FAM151B: variants seen among roughly 807,000 people sequenced by gnomAD.
FAM151B encodes the protein protein FAM151B.
Under a neutral mutation model 31.2 loss-of-function variants are expected in FAM151B, and 24 were observed. The observed-to-expected ratio is 0.77, with a 90% CI of 0.56 to 1.08. The LOEUF is 1.08. Among genes scored for constraint, FAM151B ranks in the 50% least tolerant of loss-of-function variants. FAM151B has a pLI of 0.00. For missense variants in FAM151B, 293 were observed against 328.6 expected, an observed-to-expected ratio of 0.89 and a Z score of 0.84; for synonymous variants, 105 against 111.4, an observed-to-expected ratio of 0.94 and a Z score of 0.36.
intron 5 of FAM151B, among the ~76,000 whole-genome samples, chr5:80,525,925 C>A (rs1025524172): frequency 1.3e-5 from 2 of 151,182 alleles, no homozygotes; most frequent in Non-Finnish European, 2.9e-5. Context: ...ATTTAGATGA[C>A]CTGTATATAC....
intron 5 of FAM151B, among the ~76,000 whole-genome samples, chr5:80,535,026 T>A (rs1442601064): frequency 2.0e-5 from 3 of 152,084 alleles, no homozygotes; most frequent in African/African-American, 7.2e-5. Context: ...TAAAATTAAC[T>A]ACCTAGGAAT....
chr5:80,530,858 A>C (rs1311970951), intron 5 of FAM151B, among the ~76,000 whole-genome samples: 8 of 152,206 alleles, frequency 5.3e-5, no homozygotes, highest in African/African-American at 1.2e-4. Context: ...GCTACCAATG[A>C]CTTTCTTCAC....
At chr5:80,538,544 C>T (rs561403974) in intron 5 of FAM151B, among the ~76,000 whole-genome samples, 5 of 134,406 alleles carry the variant, frequency 3.7e-5, no homozygotes, top group African/African-American at 1.2e-4. Flanking sequence ...TTCCTTCCTT[C>T]CTTCCTTCCT....
chr5:80,529,565 G>C (rs1448519114), intron 5 of FAM151B, among the ~76,000 whole-genome samples: 1 of 152,144 alleles, frequency 6.6e-6, no homozygotes, highest in East Asian at 1.9e-4. Context: ...TATCACCACT[G>C]ATCCCACAGA....
At chr5:80,512,874 CT>C (rs1261864399) in intron 2 of FAM151B, among the ~76,000 whole-genome samples, 1 of 150,044 alleles carries the variant, frequency 6.7e-6, no homozygotes, top group Non-Finnish European at 1.5e-5. Context: ...GGATTTTGAT[CT>C]TTTGGGATTG....
chr5:80,497,019 C>T (rs1409680192), intron 1 of FAM151B, among the ~76,000 whole-genome samples: 2 of 151,816 alleles, frequency 1.3e-5, no homozygotes, highest in African/African-American at 4.8e-5. Flanking sequence ...ACATATTGGC[C>T]AGGCTGGTCT....
intron 4 of FAM151B, 144 bp from the exon 5 acceptor site, chr5:80,521,859 T>C (rs373967210): frequency 1.9e-5 from 10 of 536,960 alleles, no homozygotes; most frequent in African/African-American, 1.7e-4. Flanking sequence ...AGCATTTTAA[T>C]TGACTTAGAA....
chr5:80,501,805 A>G lies in FAM151B; in HGVS notation c.39A>G (p.Glu13=). 2 of 1,602,606 alleles carry G rather than the reference A, an allele frequency of 1.2e-6. No individual in the cohort carries two copies. Among genetic ancestry groups the G allele is most frequent in the South Asian group, 1.1e-5 (1 of 89,400 alleles). Residue 13 remains glutamate, a synonymous_variant, in exon 2 of 6, where the codon GAA becomes GAG. Coordinates refer to ENST00000282226, the MANE Select transcript of FAM151B (RefSeq NM_205548.3). The part of the protein sequence containing the change: ...ASAGGPGSWS[E]NILEYFLRNS... ...CTGTTATTTTAGGATCTTGGAGTGA[A>G]AATATACTGGAATATTTTCTGAGAA...
chr5:80,534,350 A>T (rs1004612145), intron 5 of FAM151B, among the ~76,000 whole-genome samples: 1 of 152,150 alleles, frequency 6.6e-6, no homozygotes, highest in Non-Finnish European at 1.5e-5. Context: ...TGATGCAAAA[A>T]TCCTTGGCAA....
intron 1 of FAM151B, chr5:80,498,662 A>G: frequency 1.5e-6 from 1 of 672,454 alleles, no homozygotes; most frequent in South Asian, 1.4e-5. Flanking sequence ...TAATTTTGCC[A>G]TTCTCTTCCA....
intron 5 of FAM151B, among the ~76,000 whole-genome samples, chr5:80,527,090 C>T (rs1211738919): frequency 6.6e-6 from 1 of 152,146 alleles, no homozygotes; most frequent in African/African-American, 2.4e-5. Flanking sequence ...GAAGTACAGT[C>T]ATGTATCGCT....
chr5:80,541,610 A>G, intron 5 of FAM151B, 63 bp from the exon 6 acceptor site: 1 of 1,507,426 alleles, frequency 6.6e-7, no homozygotes, highest in Non-Finnish European at 9.1e-7. Context: ...TTTTAGGCTT[A>G]TTGGAATGAC....
intron 1 of FAM151B, among the ~76,000 whole-genome samples, chr5:80,498,280 GT>G (rs757277760): frequency 5.2e-4 from 79 of 152,218 alleles, no homozygotes; most frequent in Non-Finnish European, 9.1e-4. Flanking sequence ...CGTGTTTTCA[GT>G]GAGAGACTGC....
At position 80,539,946 on chromosome 5, in the gene FAM151B, AT is replaced by A. The variant is rs562639465; in HGVS notation, c.672-1726del. 7.9e-5 allele frequency among the ~76,000 whole-genome samples: 12 copies of A among 152,218 alleles called. No individual in the cohort carries two copies. The South Asian group carries it at 2.5e-3, about 32-fold the overall frequency. On this transcript the variant is annotated intron_variant, in intron 5 of 5. Transcript: ENST00000282226. ...TTGTCCATTATTTCTCTATACATAT[AT>A]AATTTTCTATTTATGTTTTTCTGCA...
intron 5 of FAM151B, among the ~76,000 whole-genome samples, chr5:80,538,372 T>TTTTC (rs1315996184): frequency 0.01 from 1,150 of 111,614 alleles, 106 homozygotes; most frequent in Middle Eastern, 0.015. Context: ...CAGCCTTTCT[T>TTTTC]TTTCTTTCTT....
chr5:80,518,367 G>C (rs540922482), intron 3 of FAM151B, among the ~76,000 whole-genome samples: 1 of 152,202 alleles, frequency 6.6e-6, no homozygotes, highest in African/African-American at 2.4e-5. Flanking sequence ...TGCTGCTATG[G>C]GACTGACAGA....
chr5:80,538,448 C>CTCTTTCTTTGTTTCTTTCTTTGTTTCTT (rs1745661737), intron 5 of FAM151B, among the ~76,000 whole-genome samples: 1 of 49,348 alleles, frequency 2.0e-5, no homozygotes, highest in Admixed American at 2.5e-4. Flanking sequence ...TTCTTTCTTT[C>CTCTTTCTTTGTTTCTTTCTTTGTTTCTT]TCTTTCTTTC....
intron 2 of FAM151B, among the ~76,000 whole-genome samples, chr5:80,513,287 G>A (rs1744265081): frequency 6.6e-6 from 1 of 152,192 alleles, no homozygotes; most frequent in Non-Finnish European, 1.5e-5. Context: ...GAAAGCTTCA[G>A]CAAATACTTA....
At position 80,538,416 on chromosome 5, in the gene FAM151B, CTT is replaced by C. The variant is rs1178405412; in HGVS notation, c.672-3255_672-3254del. On this transcript the variant is annotated intron_variant, in intron 5 of 5. Coordinates refer to ENST00000282226, the MANE Select transcript of FAM151B (RefSeq NM_205548.3). ...TCTTTCTTTCTTTCTTTCTTTCTTT[CTT>C]TCTTTCTTTCTTTCTTTCTTTCTTT... Among the ~76,000 whole-genome samples the C allele has an allele frequency of 3.4e-3, 181 of 53,984 alleles. 2 individuals carry two copies. The highest frequency in any genetic ancestry group is 0.017 in the African/African-American group (172 of 10,132). The allele number at this position is 53,984 out of a possible 152,430, so 35.4% of individuals were successfully genotyped here. A position where few individuals can be genotyped will look rare whatever the true frequency, so the allele number is the denominator to read the frequency against.
Sources: gnomAD v4.1 joint callset for allele counts (sites outside exome capture counted in the v4.1 genomes callset) on GRCh38, gnomAD v4.1.1 for gene constraint, MANE v1.5 for transcripts, NCBI Gene and HGNC (gene_info 2026-07-23, HGNC 2026-07-21) for gene names.